SANBR: variants seen among roughly 807,000 people sequenced by gnomAD.
SANBR encodes SANT and BTB domain regulator of class switch recombination.
A neutral mutation model predicts 101.8 loss-of-function variants in SANBR; 77 were observed. That is an observed-to-expected ratio of 0.76 (90% CI 0.63 to 0.91). The LOEUF is 0.91. Among genes scored for constraint, SANBR ranks in the 40% least tolerant of loss-of-function variants. The pLI is 0.00. For synonymous variants in SANBR, 279 were observed against 274.7 expected (o/e 1.02, Z -0.15); for missense variants, 875 against 853.0 (o/e 1.03, Z -0.32).
chr2:61,104,433 G>A (rs569354779), intron 13 of SANBR, among the ~76,000 whole-genome samples: 25 of 150,680 alleles, frequency 1.7e-4, no homozygotes, highest in Admixed American at 4.6e-4. Context: ...AGTGAGCCAA[G>A]ATCGTGCCAC....
chr2:61,095,279 A>G (rs919588482), intron 11 of SANBR, among the ~76,000 whole-genome samples: 1 of 152,202 alleles, frequency 6.6e-6, no homozygotes, highest in Non-Finnish European at 1.5e-5. Context: ...ATATTGATTG[A>G]TGATATTGAC....
intron 14 of SANBR, 36 bp from the exon 15 acceptor site, chr2:61,108,281 A>G (rs1171479945): frequency 7.0e-7 from 1 of 1,426,368 alleles, no homozygotes; most frequent in Admixed American, 2.0e-5. Flanking sequence ...ATCTAGGTAA[A>G]TGCAGATTTA....
chr2:61,125,798 C>T (rs1473099148), downstream of SANBR, among the ~76,000 whole-genome samples: 2 of 152,170 alleles, frequency 1.3e-5, no homozygotes, highest in South Asian at 2.1e-4. Context: ...CGCCCGCCCC[C>T]GCCACCAAAT....
At chr2:61,108,836 A>G (rs753772800) in intron 15 of SANBR, among the ~76,000 whole-genome samples, 1 of 152,190 alleles carries the variant, frequency 6.6e-6, no homozygotes, top group Non-Finnish European at 1.5e-5. Flanking sequence ...GAGAATGTGC[A>G]TATGTGCTTG....
chr2:61,072,335 G>A (rs1051027687), intron 4 of SANBR, among the ~76,000 whole-genome samples: 1 of 152,124 alleles, frequency 6.6e-6, no homozygotes, highest in East Asian at 1.9e-4. Context: ...ACTTTAGGAG[G>A]TCAAGGTGGA....
chr2:61,128,556 G>A (rs576874226), downstream of SANBR, among the ~76,000 whole-genome samples: 11 of 151,492 alleles, frequency 7.3e-5, no homozygotes, highest in South Asian at 1.7e-3. Flanking sequence ...GCAGTGGTGC[G>A]ATCTCAGCTC....
intron 11 of SANBR, among the ~76,000 whole-genome samples, chr2:61,096,817 G>A (rs982758672): frequency 6.6e-6 from 1 of 152,140 alleles, no homozygotes; most frequent in Non-Finnish European, 1.5e-5. Flanking sequence ...TCAAAGTTAT[G>A]TCATAATTTT....
chr2:61,101,569 T>A (rs973010095), intron 12 of SANBR, among the ~76,000 whole-genome samples: 2 of 151,424 alleles, frequency 1.3e-5, no homozygotes, highest in African/African-American at 4.9e-5. Context: ...CCTTCTCTAC[T>A]AAAAATACAA....
At position 61,106,651 on chromosome 2, in the gene SANBR, G is replaced by A; in HGVS notation, c.1600G>A (p.Glu534Lys). The A allele has an allele frequency of 6.3e-7, 1 of 1,578,776 alleles. No individual in the cohort carries two copies. The highest frequency in any genetic ancestry group is 8.6e-7 in the Non-Finnish European group (1 of 1,163,850). The stretch of plus-strand genomic sequence containing the variant: ...TACACCATGGGGTCCCAAAACTGGG[G>A]AGCTCAATGCTGTGAGTAGTTTTTT... ...PNTPWGPKTGELNAFLSLKNW... is the reference protein window; with the variant it reads ...PNTPWGPKTGKLNAFLSLKNW... Residue 534 changes from glutamate to lysine, a missense_variant, in exon 14 of 22, where the codon GAG becomes AAG. Glu to Lys is a moderately conservative substitution (Grantham distance 56). Transcript: ENST00000402291.
Position 61,106,643 on chromosome 2 carries a change from A to G in SANBR, c.1592A>G (p.Lys531Arg), listed in dbSNP as rs757591137. Reference protein sequence around the residue: ...LLEPNTPWGPKTGELNAFLSL... With the variant: ...LLEPNTPWGPRTGELNAFLSL... The stretch of plus-strand genomic sequence containing the variant: ...GAGCCAAATACACCATGGGGTCCCA[A>G]AACTGGGGAGCTCAATGCTGTGAGT... Residue 531 changes from lysine to arginine, a missense_variant, in exon 14 of 22, where the codon AAA (lysine) becomes AGA (arginine). Lys to Arg is a conservative substitution (Grantham distance 26, BLOSUM62 2). Transcript: ENST00000402291. 1.9e-6 allele frequency: 3 copies of G among 1,589,460 alleles called. No homozygotes were observed. Among genetic ancestry groups the G allele is most frequent in the East Asian group, 4.5e-5 (2 of 44,164 alleles).
chr2:61,070,849 C>T (rs1355757453), intron 3 of SANBR, among the ~76,000 whole-genome samples: 2 of 151,366 alleles, frequency 1.3e-5, no homozygotes, highest in Non-Finnish European at 2.9e-5. Flanking sequence ...TCATGGCTCA[C>T]TGCAGCCTCG....
chr2:61,108,754 C>G (rs1346288196), intron 15 of SANBR, among the ~76,000 whole-genome samples: 1 of 151,658 alleles, frequency 6.6e-6, no homozygotes, highest in Admixed American at 6.6e-5. Context: ...TTAGTGATAA[C>G]AGACAGTAGG....
chr2:61,127,720 C>A (rs1684554848), downstream of SANBR, among the ~76,000 whole-genome samples: 1 of 151,836 alleles, frequency 6.6e-6, no homozygotes, highest in African/African-American at 2.4e-5. Context: ...TGAACAGAGC[C>A]TCAGAAAAAT....
intron 16 of SANBR, among the ~76,000 whole-genome samples, chr2:61,112,560 G>A (rs1308723390): frequency 3.3e-5 from 5 of 151,278 alleles, no homozygotes; most frequent in African/African-American, 7.3e-5. Context: ...GTAGAGGTGC[G>A]ATCTCTCACT....
intron 17 of SANBR, chr2:61,117,104 G>A (rs1684111956): frequency 2.1e-6 from 1 of 482,942 alleles, no homozygotes; most frequent in Admixed American, 3.6e-5. Flanking sequence ...GTTAACAAAT[G>A]AAGCTGGATT....
intron 16 of SANBR, 45 bp downstream of exon 16, chr2:61,109,341 G>A: frequency 9.0e-7 from 1 of 1,115,002 alleles, no homozygotes; most frequent in Non-Finnish European, 1.3e-6. Flanking sequence ...TTTATGAAGG[G>A]GTTACATTCT....
At chr2:61,072,339 A>G (rs1260026096) in intron 4 of SANBR, among the ~76,000 whole-genome samples, 39 of 152,250 alleles carry the variant, frequency 2.6e-4, no homozygotes, top group Non-Finnish European at 1.0e-4. Context: ...TAGGAGGTCA[A>G]GGTGGAAGGA....
At chr2:61,077,869 CTT>C (rs1681877156) in intron 6 of SANBR, among the ~76,000 whole-genome samples, 1 of 152,180 alleles carries the variant, frequency 6.6e-6, no homozygotes, top group African/African-American at 2.4e-5. Context: ...GTAATTCAGA[CTT>C]AGGTGTTTGG....
chr2:61,114,815 C>A (rs1003557715), intron 16 of SANBR, among the ~76,000 whole-genome samples: 1 of 152,076 alleles, frequency 6.6e-6, no homozygotes, highest in African/African-American at 2.4e-5. Context: ...ACCACCATGC[C>A]CAGCTAATCT....
Sources: allele counts gnomAD v4.1 joint callset (sites outside exome capture counted in the v4.1 genomes callset), GRCh38; gene constraint gnomAD v4.1.1; transcripts MANE v1.5; gene names NCBI Gene and HGNC (gene_info 2026-07-23, HGNC 2026-07-21).